The following ZNF804A variants were observed in gnomAD, a reference collection of about 807,000 sequenced individuals.
The protein encoded by ZNF804A is zinc finger protein 804A.
A neutral mutation model predicts 16.5 loss-of-function variants in ZNF804A; 2 were observed. The ratio of observed to expected loss-of-function variants is 0.12; its 90% confidence interval spans 0.05 to 0.38. The LOEUF is 0.38. Ranked by LOEUF, ZNF804A falls within the 10% of genes least tolerant of loss-of-function variation. The pLI, the probability that ZNF804A is intolerant of heterozygous loss-of-function variation, is 0.99. For missense variants in ZNF804A, 1,473 were observed against 1,390.7 expected (o/e 1.06, Z -0.94); for synonymous variants, 534 against 489.6 (o/e 1.09, Z -1.20).
intron 1 of ZNF804A, among the ~76,000 whole-genome samples, chr2:184,858,617 A>G (rs943084309): frequency 6.6e-6 from 1 of 152,034 alleles, no homozygotes; most frequent in African/African-American, 2.4e-5. Flanking sequence ...ACATATTTTA[A>G]TAGTGTGTTT....
intron 1 of ZNF804A, among the ~76,000 whole-genome samples, chr2:184,719,146 G>T (rs1693261908): frequency 6.6e-6 from 1 of 152,132 alleles, no homozygotes; most frequent in Non-Finnish European, 1.5e-5. Flanking sequence ...AGCTGCCAAG[G>T]CTTGGGGATT....
chr2:184,844,486 T>C (rs1695484228), intron 1 of ZNF804A, among the ~76,000 whole-genome samples: 1 of 152,134 alleles, frequency 6.6e-6, no homozygotes, highest in Non-Finnish European at 1.5e-5. Flanking sequence ...TCACTGGTTA[T>C]AGAATTCTAG....
rs570433648 is a variant in ZNF804A at position 184,928,888 on chromosome 2, A to C, written c.256-4715A>C. Among the ~76,000 whole-genome samples, 29 of 152,254 alleles carry C rather than the reference A, an allele frequency of 1.9e-4. No individual in the cohort carries two copies. The South Asian group carries it at 5.6e-3, about 29-fold the overall frequency. The stretch of plus-strand genomic sequence containing the variant: ...CTCAAGTGTGCAGATTTTTCTCTTC[A>C]TGCAGAATGGCCACTTCTGGGGGTT... On this transcript the variant is annotated intron_variant, in intron 2 of 3. Transcript: ENST00000302277.
chr2:184,905,873 G>A (rs531230048), intron 2 of ZNF804A, among the ~76,000 whole-genome samples: 3 of 152,206 alleles, frequency 2.0e-5, no homozygotes, highest in Admixed American at 2.0e-4. Flanking sequence ...TTACACCAAG[G>A]CTCATTCATC....
chr2:184,628,942 G>A (rs1691556204), intron 1 of ZNF804A, among the ~76,000 whole-genome samples: 1 of 152,012 alleles, frequency 6.6e-6, no homozygotes, highest in Admixed American at 6.6e-5. Flanking sequence ...TGCTTAATTA[G>A]TGCATGAAAA....
intron 1 of ZNF804A, among the ~76,000 whole-genome samples, chr2:184,614,779 GA>G (rs1329935378): frequency 6.6e-6 from 1 of 151,988 alleles, no homozygotes; most frequent in African/African-American, 2.4e-5. Flanking sequence ...CAACAAACAT[GA>G]AAAAAAGCTC....
intron 1 of ZNF804A, among the ~76,000 whole-genome samples, chr2:184,824,478 A>G (rs1158948789): frequency 6.8e-6 from 1 of 146,730 alleles, no homozygotes; most frequent in Non-Finnish European, 1.5e-5. Flanking sequence ...TCGGTAAAAG[A>G]AAAAAAAAAC....
intron 1 of ZNF804A, among the ~76,000 whole-genome samples, chr2:184,652,196 A>G (rs1239150412): frequency 6.6e-6 from 1 of 152,160 alleles, no homozygotes; most frequent in Non-Finnish European, 1.5e-5. Flanking sequence ...AGAGAAAACC[A>G]AACACTGTAT....
chr2:184,824,039 G>A (rs1695124358), intron 1 of ZNF804A, among the ~76,000 whole-genome samples: 1 of 151,474 alleles, frequency 6.6e-6, no homozygotes, highest in South Asian at 2.1e-4. Flanking sequence ...TATATTTATT[G>A]AACTCTTGAA....
intron 1 of ZNF804A, among the ~76,000 whole-genome samples, chr2:184,707,296 A>G (rs545151395): frequency 6.6e-6 from 1 of 152,158 alleles, no homozygotes; most frequent in South Asian, 2.1e-4. Flanking sequence ...ACTTTATTCT[A>G]TAATTGCAAC....
chr2:184,840,350 T>A (rs1249336646), intron 1 of ZNF804A, among the ~76,000 whole-genome samples: 1 of 151,868 alleles, frequency 6.6e-6, no homozygotes, highest in East Asian at 1.9e-4. Context: ...TGCCACTGCA[T>A]CCCAGCTTGG....
At chr2:184,696,634 A>G (rs1225515371) in intron 1 of ZNF804A, among the ~76,000 whole-genome samples, 1 of 152,140 alleles carries the variant, frequency 6.6e-6, no homozygotes, top group African/African-American at 2.4e-5. Context: ...AAAGCAAGCA[A>G]CCAATCTTTT....
chr2:184,920,883 C>A (rs11901504), intron 2 of ZNF804A, among the ~76,000 whole-genome samples: 91,610 of 151,962 alleles, frequency 0.6, 27,963 homozygotes, highest in East Asian at 0.84. Context: ...ACAATCCTCC[C>A]GATGAAAATA....
At chr2:184,770,695 A>C (rs898696628) in intron 1 of ZNF804A, among the ~76,000 whole-genome samples, 1 of 152,190 alleles carries the variant, frequency 6.6e-6, no homozygotes, top group East Asian at 1.9e-4. Flanking sequence ...AAAGGCTAAT[A>C]TAATGTGATA....
intron 1 of ZNF804A, among the ~76,000 whole-genome samples, chr2:184,828,697 G>A (rs1695211367): frequency 6.6e-6 from 1 of 151,718 alleles, no homozygotes; most frequent in South Asian, 2.1e-4. Flanking sequence ...TGTAAAATGA[G>A]AAAATTAGGC....
At position 184,667,319 on chromosome 2, in the gene ZNF804A, T is replaced by A. The variant is rs561155634; in HGVS notation, c.111+68249T>A. On this transcript the variant is annotated intron_variant, in intron 1 of 3. Coordinates refer to ENST00000302277, the MANE Select transcript of ZNF804A (RefSeq NM_194250.2). ...CTTTCATTAACTTTCAGTAACTTTATTTCATCTCATAAACATTCTGCATTT... is the reference window on the plus strand; with the variant it reads ...CTTTCATTAACTTTCAGTAACTTTAATTCATCTCATAAACATTCTGCATTT... Among the ~76,000 whole-genome samples the A allele has an allele frequency of 5.1e-4, 77 of 151,898 alleles. 1 individual carries two copies. Among genetic ancestry groups the A allele is most frequent in the Non-Finnish European group, 1.5e-4 (10 of 67,798 alleles).
At chr2:184,854,136 G>A (rs933271456) in intron 1 of ZNF804A, among the ~76,000 whole-genome samples, 1 of 151,722 alleles carries the variant, frequency 6.6e-6, no homozygotes, top group Non-Finnish European at 1.5e-5. Context: ...TTCTATTACA[G>A]GTGGAGTGTC....
rs1035615865 is a variant in ZNF804A at position 184,598,870 on chromosome 2, A to C, written c.-90A>C. Reference sequence around the variant, plus strand: ...CTGCGTGCCCTCGTGGCGGGTTCCCAGCCCACCGTCGCCGGCCCCGGCGCG... The same window carrying C: ...CTGCGTGCCCTCGTGGCGGGTTCCCCGCCCACCGTCGCCGGCCCCGGCGCG... On this transcript the variant is annotated 5_prime_UTR_variant, in exon 1 of 4. Transcript: ENST00000302277. 5 of 744,740 alleles carry C rather than the reference A, an allele frequency of 6.7e-6. No individual in the cohort carries two copies. The highest frequency in any genetic ancestry group is 4.2e-5 in the Admixed American group (1 of 23,588). 46.1% of individuals were successfully genotyped at this position (744,740 alleles called of 1,614,324 possible). A position where few individuals can be genotyped will look rare whatever the true frequency, so the allele number is the denominator to read the frequency against.
rs972500168 is a variant in ZNF804A at position 184,750,542 on chromosome 2, C to T, written c.112-115827C>T. Among the ~76,000 whole-genome samples, 22 of 151,312 alleles carry T rather than the reference C, an allele frequency of 1.5e-4. No individual in the cohort carries two copies. The East Asian group carries it at 2.5e-3, about 17-fold the overall frequency. On this transcript the variant is annotated intron_variant, in intron 1 of 3. Coordinates refer to ENST00000302277, the MANE Select transcript of ZNF804A (RefSeq NM_194250.2). ...ATATGTTTGGGATACAAAAATTGCACATTTTTAATGTATACAACTTGGTGA... is the reference window on the plus strand; with the variant it reads ...ATATGTTTGGGATACAAAAATTGCATATTTTTAATGTATACAACTTGGTGA...
Sources: gnomAD v4.1 joint callset for allele counts (sites outside exome capture counted in the v4.1 genomes callset) on GRCh38, gnomAD v4.1.1 for gene constraint, MANE v1.5 for transcripts, NCBI Gene and HGNC (gene_info 2026-07-23, HGNC 2026-07-21) for gene names.